MTA3: variants seen among roughly 807,000 people sequenced by gnomAD.
MTA3 encodes the protein metastasis-associated protein MTA3.
A neutral mutation model predicts 83.5 loss-of-function variants in MTA3; 34 were observed. The observed-to-expected ratio is 0.41, with a 90% CI of 0.31 to 0.54. The LOEUF is 0.54. MTA3 is among the 20% of genes least tolerant of loss of function. The probability of loss-of-function intolerance (pLI) is 0.33; values close to 1 mark genes in which losing one functional copy is unlikely to be tolerated. For synonymous variants in MTA3, 303 were observed against 252.7 expected (o/e 1.20, Z -1.89); for missense variants, 761 against 726.4 (o/e 1.05, Z -0.55).
chr2:42,617,769 T>C (rs1190724960), intron 4 of MTA3, among the ~76,000 whole-genome samples: 2 of 146,832 alleles, frequency 1.4e-5, no homozygotes, highest in Non-Finnish European at 3.0e-5. Context: ...ACAGTGCAAC[T>C]CTGCCTCTAA....
chr2:42,636,650 C>T (rs1233752342), intron 4 of MTA3, among the ~76,000 whole-genome samples: 8 of 126,232 alleles, frequency 6.3e-5, no homozygotes, highest in Admixed American at 1.7e-4. Flanking sequence ...TTTTTTGAGA[C>T]GGGGTTTCGC....
intron 16 of MTA3, among the ~76,000 whole-genome samples, chr2:42,731,430 C>G (rs1179768035): frequency 1.3e-5 from 2 of 152,156 alleles, no homozygotes; most frequent in Non-Finnish European, 2.9e-5. Flanking sequence ...GGGGAAGTCT[C>G]AGAATCTGGT....
Position 42,704,208 on chromosome 2 carries a change from C to T in MTA3, c.1040C>T (p.Pro347Leu). The stretch of plus-strand genomic sequence containing the variant: ...TTCATTGAAAGCAGCAAACCAAATC[C>T]CAACCAAATATCCACTAGTAATGGG... ...VYIPTYSKPN[P>L]NQISTSNGKP... is the part of the protein sequence containing the mutation. Residue 347 changes from proline (P) to leucine (L), a missense_variant, in exon 12 of 17, where the codon CCC (proline) becomes CTC (leucine). Physicochemically the swap from Pro to Leu is moderately conservative, Grantham distance 98 (BLOSUM62 -3). Coordinates refer to ENST00000405094, the MANE Select transcript of MTA3 (RefSeq NM_001330442.2). 1.3e-5 allele frequency: 21 copies of T among 1,613,736 alleles called. No homozygotes were observed. The highest frequency in any genetic ancestry group is 1.8e-5 in the Non-Finnish European group (21 of 1,179,774).
chr2:42,754,474 C>T lies in MTA3; in HGVS notation c.*1075C>T. On this transcript the variant is annotated 3_prime_UTR_variant, in exon 17 of 17. Coordinates refer to ENST00000405094, the MANE Select transcript of MTA3 (RefSeq NM_001330442.2). ...TGGGCTCTTCGTGTTTCCCACCTGC[C>T]CTCGGCACGAGCCCTTGGTGGCATC... The T allele has an allele frequency of 1.0e-6, 1 of 985,572 alleles. No individual in the cohort carries two copies. The allele number at this position is 985,572 out of a possible 1,614,324, so 61.1% of individuals were successfully genotyped here.
chr2:42,507,903 G>A (rs530697001), intron 2 of MTA3, among the ~76,000 whole-genome samples: 2 of 150,528 alleles, frequency 1.3e-5, no homozygotes, highest in Admixed American at 1.3e-4. Flanking sequence ...TCAAGATCTC[G>A]ATGCTGCATT....
Position 42,586,373 on chromosome 2 carries a change from C to T in MTA3, c.190+7173C>T, listed in dbSNP as rs1383302323. On this transcript the variant is annotated intron_variant, in intron 3 of 16. Transcript: ENST00000405094. ...GCCAAGGTAGGAGGACCACTTGAGTCCAGGAGTTGGAGACTAGCCTGGGCA... is the reference window on the plus strand; with the variant it reads ...GCCAAGGTAGGAGGACCACTTGAGTTCAGGAGTTGGAGACTAGCCTGGGCA... Among the ~76,000 whole-genome samples the T allele has an allele frequency of 2.7e-5, 4 of 148,888 alleles. No individual in the cohort carries two copies. The Admixed American group carries it at 2.7e-4, about 10-fold the overall frequency.
intron 12 of MTA3, among the ~76,000 whole-genome samples, chr2:42,706,859 T>C (rs1666134307): frequency 1.3e-5 from 2 of 152,226 alleles, no homozygotes; most frequent in Admixed American, 6.5e-5. Flanking sequence ...TGAAAGGGAT[T>C]CTGTCTGTAA....
intron 4 of MTA3, among the ~76,000 whole-genome samples, chr2:42,632,777 G>A (rs1323526443): frequency 6.6e-6 from 1 of 151,912 alleles, no homozygotes; most frequent in African/African-American, 2.4e-5. Flanking sequence ...TTCTCTTTTT[G>A]GCTTTTCATT....
intron 8 of MTA3, among the ~76,000 whole-genome samples, chr2:42,671,664 T>C (rs1240252944): frequency 1.3e-5 from 2 of 152,202 alleles, no homozygotes; most frequent in African/African-American, 4.8e-5. Context: ...TATTCACTAA[T>C]TTGCCTTATA....
At chr2:42,636,158 A>G (rs80276020) in intron 4 of MTA3, among the ~76,000 whole-genome samples, 2,460 of 152,266 alleles carry the variant, frequency 0.016, 30 homozygotes, top group South Asian at 0.028. Flanking sequence ...ACCCATCCCA[A>G]GACATTGAAA....
At chr2:42,566,049 G>C (rs1677897652), upstream of MTA3, among the ~76,000 whole-genome samples, 2 of 152,210 alleles carry the variant, frequency 1.3e-5, no homozygotes, top group South Asian at 4.2e-4. Flanking sequence ...TTTGAGGTAG[G>C]TATCAACCAG....
chr2:42,628,798 T>C (rs1357885105), intron 4 of MTA3, among the ~76,000 whole-genome samples: 2 of 151,896 alleles, frequency 1.3e-5, no homozygotes, highest in Non-Finnish European at 2.9e-5. Flanking sequence ...TTGGTTTATG[T>C]TTTACCTAGA....
intron 3 of MTA3, among the ~76,000 whole-genome samples, chr2:42,605,039 G>A (rs28368919): frequency 2.7e-5 from 4 of 149,938 alleles, no homozygotes; most frequent in Non-Finnish European, 5.9e-5. Flanking sequence ...CACCTTTCCC[G>A]CCTTTCTATT....
At chr2:42,586,147 C>T (rs1272043734) in intron 3 of MTA3, among the ~76,000 whole-genome samples, 2 of 151,782 alleles carry the variant, frequency 1.3e-5, no homozygotes, top group South Asian at 4.2e-4. Flanking sequence ...CATGGCAGCA[C>T]ATGCCTGTAA....
At chr2:42,529,200 G>C (rs1215666056) in intron 2 of MTA3, among the ~76,000 whole-genome samples, 1 of 152,128 alleles carries the variant, frequency 6.6e-6, no homozygotes, top group Non-Finnish European at 1.5e-5. Flanking sequence ...TAGATAAAAA[G>C]GAACTCTCTT....
chr2:42,549,330 C>T lies in MTA3; in HGVS notation c.-140-21107C>T, dbSNP rs189027295. ...TATATAATATATAATATATTATATA[C>T]GTATACGTATACATTATATATTACA... On this transcript the variant is annotated intron_variant, in intron 2 of 17. Coordinates refer to the MTA3 transcript ENST00000405592. 3.0e-3 allele frequency among the ~76,000 whole-genome samples: 323 copies of T among 108,598 alleles called. 3 individuals are homozygous for T. Among genetic ancestry groups the T allele is most frequent in the African/African-American group, 7.0e-3 (196 of 27,816 alleles). 71.2% of individuals were successfully genotyped at this position (108,598 alleles called of 152,430 possible). A position where few individuals can be genotyped will look rare whatever the true frequency, so the allele number is the denominator to read the frequency against.
intron 16 of MTA3, among the ~76,000 whole-genome samples, chr2:42,748,201 T>TGTGTGTG (rs1553402307): frequency 0.042 from 5,766 of 137,664 alleles, 190 homozygotes; most frequent in Middle Eastern, 0.069. Flanking sequence ...GCTAATGTGT[T>TGTGTGTG]TGTGTGTGTG....
intron 5 of MTA3, 90 bp from the exon 6 acceptor site, chr2:42,644,037 T>TTA (rs1687936975): frequency 1.4e-6 from 1 of 728,420 alleles, no homozygotes; most frequent in African/African-American, 1.8e-5. Context: ...TCTCTGGGGT[T>TTA]TATATGTTCA....
chr2:42,638,762 A>G (rs1175513106), intron 4 of MTA3, among the ~76,000 whole-genome samples: 1 of 151,942 alleles, frequency 6.6e-6, no homozygotes, highest in Admixed American at 6.6e-5. Flanking sequence ...AGAAAAAAAG[A>G]AAACCTTTAT....
Sources: gnomAD v4.1 joint callset for allele counts (sites outside exome capture counted in the v4.1 genomes callset) on GRCh38, gnomAD v4.1.1 for gene constraint, MANE v1.5 for transcripts, NCBI Gene and HGNC (gene_info 2026-07-23, HGNC 2026-07-21) for gene names.